The following BORCS5 variants were observed in gnomAD, a reference collection of about 807,000 sequenced individuals.
BORCS5 encodes the protein BLOC-1 related complex subunit 5, also known as BLOC-1-related complex subunit 5.
In BORCS5, 17 loss-of-function variants were observed where a neutral mutation model predicts 22.1. The observed-to-expected ratio is 0.77, with a 90% CI of 0.53 to 1.15. The LOEUF (loss-of-function observed/expected upper bound fraction) is 1.15, where lower values mean the gene tolerates loss of function less well. Ranked by LOEUF, BORCS5 falls within the 50% of genes most tolerant of loss-of-function variation. The pLI is 0.00. For missense variants in BORCS5, 247 were observed against 253.2 expected, an observed-to-expected ratio of 0.98 and a Z score of 0.17; for synonymous variants, 117 against 99.8, an observed-to-expected ratio of 1.17 and a Z score of -1.03.
intron 3 of BORCS5, among the ~76,000 whole-genome samples, chr12:12,455,864 G>A (rs1386870372): frequency 6.6e-6 from 1 of 151,738 alleles, no homozygotes; most frequent in East Asian, 1.9e-4. Flanking sequence ...AGTATTTTGG[G>A]GATAGAAAAA....
chr12:12,372,914 C>T (rs1045641314), intron 2 of BORCS5, among the ~76,000 whole-genome samples: 7 of 152,140 alleles, frequency 4.6e-5, no homozygotes, highest in African/African-American at 1.7e-4. Flanking sequence ...AAATCCTACC[C>T]ACTTTAGTTT....
chr12:12,425,474 G>A (rs1942262846), intron 2 of BORCS5, among the ~76,000 whole-genome samples: 1 of 152,208 alleles, frequency 6.6e-6, no homozygotes, highest in South Asian at 2.1e-4. Flanking sequence ...AATGCACAAG[G>A]GTTCCAAGGA....
chr12:12,369,354 G>C (rs1251703711), intron 2 of BORCS5, among the ~76,000 whole-genome samples: 1 of 151,952 alleles, frequency 6.6e-6, no homozygotes, highest in Non-Finnish European at 1.5e-5. Flanking sequence ...CATATAGTAG[G>C]GTCTTGCTTT....
At chr12:12,433,322 C>CAAAAAAAAA (rs34833037) in intron 2 of BORCS5, among the ~76,000 whole-genome samples, 6 of 40,696 alleles carry the variant, frequency 1.5e-4, no homozygotes, top group African/African-American at 4.3e-4. Context: ...GACTGTGTCT[C>CAAAAAAAAA]AAAAAAAAAA....
chr12:12,470,094 G>A lies in BORCS5; in HGVS notation c.*4318G>A, dbSNP rs1943266983. On this transcript the variant is annotated 3_prime_UTR_variant, in exon 4 of 4. Transcript: ENST00000314565. Reference sequence around the variant, plus strand: ...TGTTGTTGTTGTTGTTTATTGAGATGGAGTCTCGCTCTGTTGCCCAGGCTG... The same window carrying A: ...TGTTGTTGTTGTTGTTTATTGAGATAGAGTCTCGCTCTGTTGCCCAGGCTG... Among the ~76,000 whole-genome samples, 1 of 152,080 alleles carries A rather than the reference G, an allele frequency of 6.6e-6. No individual in the cohort carries two copies. The highest frequency in any genetic ancestry group is 2.1e-4 in the South Asian group (1 of 4,812).
chr12:12,453,229 A>G (rs975488323), intron 3 of BORCS5, among the ~76,000 whole-genome samples: 1 of 152,234 alleles, frequency 6.6e-6, no homozygotes, highest in Non-Finnish European at 1.5e-5. Context: ...TTTATTTTTT[A>G]AAAAATGAAT....
chr12:12,423,696 G>T (rs962786779), intron 2 of BORCS5, among the ~76,000 whole-genome samples: 2 of 151,216 alleles, frequency 1.3e-5, no homozygotes, highest in Admixed American at 6.6e-5. Context: ...TTGTCTTTTT[G>T]TTTGTTTTTT....
chr12:12,433,319 T>C (rs1942475040), intron 2 of BORCS5, among the ~76,000 whole-genome samples: 1 of 84,106 alleles, frequency 1.2e-5, no homozygotes, highest in African/African-American at 5.5e-5. Flanking sequence ...CGAGACTGTG[T>C]CTCAAAAAAA....
At chr12:12,361,848 G>T (rs558417765) in intron 2 of BORCS5, among the ~76,000 whole-genome samples, 1 of 152,228 alleles carries the variant, frequency 6.6e-6, no homozygotes, top group African/African-American at 2.4e-5. Context: ...TAATCCTGGC[G>T]GCAGTTTTAT....
At chr12:12,457,250 A>T (rs1251028148) in intron 3 of BORCS5, among the ~76,000 whole-genome samples, 1 of 152,238 alleles carries the variant, frequency 6.6e-6, no homozygotes, top group Admixed American at 6.5e-5. Flanking sequence ...GAGGGTCAGC[A>T]AGGTTAAGTA....
intron 2 of BORCS5, among the ~76,000 whole-genome samples, chr12:12,381,883 T>G (rs984280208): frequency 6.6e-6 from 1 of 151,448 alleles, no homozygotes; most frequent in African/African-American, 2.4e-5. Context: ...ATTATTAACC[T>G]GTTTTGTTGA....
In BORCS5 at chr12:12,470,788, G is replaced by A. The variant is rs1943285539; in HGVS notation, c.*5012G>A. The stretch of plus-strand genomic sequence containing the variant: ...TGCTTCAAACCAAAAAGATAAAAAA[G>A]TTGGCAACTAGATCTAGTTGCCTGC... On this transcript the variant is annotated 3_prime_UTR_variant, in exon 4 of 4. Transcript: ENST00000314565. Among the ~76,000 whole-genome samples the A allele has an allele frequency of 1.3e-5, 2 of 151,018 alleles. No individual in the cohort carries two copies. The highest frequency in any genetic ancestry group is 1.3e-4 in the Admixed American group (2 of 15,136).
At chr12:12,372,341 A>G (rs1863548426) in intron 2 of BORCS5, among the ~76,000 whole-genome samples, 1 of 150,176 alleles carries the variant, frequency 6.7e-6, no homozygotes, top group African/African-American at 2.5e-5. Flanking sequence ...AAATTTACTT[A>G]CTAATTTTTT....
Position 12,357,356 on chromosome 12 carries a change from C to G in BORCS5, c.-96C>G. On this transcript the variant is annotated 5_prime_UTR_variant, in exon 1 of 4. Coordinates refer to ENST00000314565, the MANE Select transcript of BORCS5 (RefSeq NM_058169.6). ...CTGCGGCGCCCAGACTCTGCTTTGC[C>G]TCCCCGTCCCGGTCCCTGGCCCCTG... is the stretch of plus-strand genomic sequence containing the variant. The G allele has an allele frequency of 6.6e-7, 1 of 1,509,326 alleles. No individual in the cohort carries two copies. The highest frequency in any genetic ancestry group is 8.9e-7 in the Non-Finnish European group (1 of 1,122,570). The allele number at this position is 1,509,326 out of a possible 1,614,324, so 93.5% of individuals were successfully genotyped here. A position where few individuals can be genotyped will look rare whatever the true frequency, so the allele number is the denominator to read the frequency against.
At chr12:12,361,130 C>T (rs138544106) in intron 1 of BORCS5, 76 bp from the exon 2 acceptor site, 2 of 1,421,490 alleles carry the variant, frequency 1.4e-6, no homozygotes, top group East Asian at 4.6e-5. Flanking sequence ...TCTTTTTAAT[C>T]ACTACACCAA....
rs73287536 is a variant in BORCS5, at chr12:12,440,105, A to G, written c.360+4320A>G. ...ATCAACTAGAGGTCCCTAAGATTACAGTACCTGTGATCACTTAAGTCTGGA... is the reference window on the plus strand; with the variant it reads ...ATCAACTAGAGGTCCCTAAGATTACGGTACCTGTGATCACTTAAGTCTGGA... On this transcript the variant is annotated intron_variant, in intron 3 of 3. Transcript: ENST00000314565. 5.5e-3 allele frequency among the ~76,000 whole-genome samples: 844 copies of G among 152,358 alleles called. 7 individuals carry two copies. The highest frequency in any genetic ancestry group is 0.019 in the African/African-American group (783 of 41,594).
At chr12:12,421,536 G>T (rs1393950786) in intron 2 of BORCS5, among the ~76,000 whole-genome samples, 1 of 152,166 alleles carries the variant, frequency 6.6e-6, no homozygotes, top group East Asian at 1.9e-4. Flanking sequence ...TCTCTGCCAG[G>T]CTTTGGTATC....
chr12:12,439,387 G>A (rs768754610), intron 3 of BORCS5, among the ~76,000 whole-genome samples: 4 of 152,046 alleles, frequency 2.6e-5, no homozygotes, highest in South Asian at 4.1e-4. Context: ...CAGCACTTTC[G>A]GAGGCCAAGG....
At position 12,422,564 on chromosome 12, in the gene BORCS5, G is replaced by A. The variant is rs1942160990; in HGVS notation, c.203-13064G>A. Among the ~76,000 whole-genome samples the A allele has an allele frequency of 1.3e-5, 2 of 151,772 alleles. 1 individual carries two copies. Among genetic ancestry groups the A allele is most frequent in the Non-Finnish European group, 2.9e-5 (2 of 67,966 alleles). On this transcript the variant is annotated intron_variant, in intron 2 of 3. Transcript: ENST00000314565. ...TGCAGTGAGCCGAGATCGTGGCACTGCACTCCAGCCTGGGTAACAGAGTGA... is the reference window on the plus strand; with the variant it reads ...TGCAGTGAGCCGAGATCGTGGCACTACACTCCAGCCTGGGTAACAGAGTGA...
Sources: gnomAD v4.1 joint callset for allele counts (sites outside exome capture counted in the v4.1 genomes callset) on GRCh38, gnomAD v4.1.1 for gene constraint, MANE v1.5 for transcripts, NCBI Gene and HGNC (gene_info 2026-07-23, HGNC 2026-07-21) for gene names.